MYO3B: variants seen among roughly 807,000 people sequenced by gnomAD.
The protein encoded by MYO3B is myosin IIIB.
A neutral mutation model predicts 174.6 loss-of-function variants in MYO3B; 156 were observed. The ratio of observed to expected loss-of-function variants is 0.89; its 90% CI spans 0.78 to 1.02. The LOEUF is 1.02. Ranked by LOEUF, MYO3B falls within the 50% of genes least tolerant of loss-of-function variation. The pLI is 0.00. For synonymous variants in MYO3B, 563 were observed against 569.1 expected (o/e 0.99, Z 0.15); for missense variants, 1,632 against 1,639.4 (o/e 1.00, Z 0.08).
intron 7 of MYO3B, among the ~76,000 whole-genome samples, chr2:170,286,091 A>T (rs552724836): frequency 6.6e-6 from 1 of 152,188 alleles, no homozygotes; most frequent in East Asian, 1.9e-4. Context: ...CACAATTTGA[A>T]TTATTGTGCT....
intron 7 of MYO3B, among the ~76,000 whole-genome samples, chr2:170,317,808 T>C (rs2093786553): frequency 6.6e-6 from 1 of 152,182 alleles, no homozygotes; most frequent in South Asian, 2.1e-4. Context: ...TGAGAAACAT[T>C]GTGGAAAACA....
At chr2:170,645,139 G>A (rs753854274) in intron 32 of MYO3B, among the ~76,000 whole-genome samples, 18 of 152,136 alleles carry the variant, frequency 1.2e-4, no homozygotes, top group Non-Finnish European at 2.5e-4. Flanking sequence ...TTGAGAATAT[G>A]AGCATTATGG....
intron 8 of MYO3B, among the ~76,000 whole-genome samples, chr2:170,365,984 G>T (rs534825132): frequency 1.3e-5 from 2 of 152,244 alleles, no homozygotes; most frequent in African/African-American, 4.8e-5. Context: ...GAGGCTCTTT[G>T]TTTTGCGTTA....
rs1697669952 is a variant in MYO3B at position 170,638,096 on chromosome 2, C to T, written c.3734-13532C>T. ...TTCCACTCAATCTCTCTCTCCCTCT[C>T]TCTCTCTCTCTCTCACACACACACA... On this transcript the variant is annotated intron_variant, in intron 32 of 34. Transcript: ENST00000408978. Among the ~76,000 whole-genome samples the T allele has an allele frequency of 3.2e-5, 3 of 94,878 alleles. No individual in the cohort carries two copies. In the South Asian group the frequency reaches 1.0e-3, roughly 32 times the overall value. 62.2% of individuals were successfully genotyped at this position (94,878 alleles called of 152,430 possible).
At position 170,408,047 on chromosome 2, in the gene MYO3B, C is replaced by T. The variant is rs373678384; in HGVS notation, c.2650+203C>T. Among the ~76,000 whole-genome samples the T allele has an allele frequency of 9.2e-5, 14 of 152,342 alleles. No individual in the cohort carries two copies. In the South Asian group the frequency reaches 2.3e-3, roughly 25 times the overall value. On this transcript the variant is annotated intron_variant, in intron 22 of 34. Transcript: ENST00000408978. ...TGCAGCATCCGTGTGTACACAGACA[C>T]GTGTAGCTGCACACATAAACATACA...
At chr2:170,441,830 C>T (rs116020262) in intron 22 of MYO3B, among the ~76,000 whole-genome samples, 2,567 of 152,288 alleles carry the variant, frequency 0.017, 31 homozygotes, top group South Asian at 0.03. Flanking sequence ...ATCTTGGTTT[C>T]GGTGAGATTT....
intron 7 of MYO3B, among the ~76,000 whole-genome samples, chr2:170,327,444 C>G (rs1002967945): frequency 5.0e-5 from 6 of 121,172 alleles, no homozygotes; most frequent in African/African-American, 1.6e-4. Context: ...TGCTTTTCTC[C>G]TTACTACCTT....
chr2:170,453,470 AAGAG>A (rs1248852399), intron 23 of MYO3B, among the ~76,000 whole-genome samples: 2 of 136,764 alleles, frequency 1.5e-5, no homozygotes, highest in Non-Finnish European at 3.2e-5. Flanking sequence ...GAGAGAGAGA[AAGAG>A]AGAGCGACCA....
At chr2:170,491,247 T>C (rs1241325411) in intron 25 of MYO3B, among the ~76,000 whole-genome samples, 1 of 152,162 alleles carries the variant, frequency 6.6e-6, no homozygotes, top group African/African-American at 2.4e-5. Flanking sequence ...TTTTCATTTT[T>C]ATTTAATTTA....
chr2:170,433,729 T>C (rs1208230485), intron 22 of MYO3B, among the ~76,000 whole-genome samples: 1 of 152,274 alleles, frequency 6.6e-6, no homozygotes, highest in Non-Finnish European at 1.5e-5. Flanking sequence ...GATTTCATCC[T>C]GTATCTGTAA....
chr2:170,191,956 G>A (rs182456924), intron 1 of MYO3B, among the ~76,000 whole-genome samples: 55 of 152,210 alleles, frequency 3.6e-4, no homozygotes, highest in South Asian at 1.7e-3. Flanking sequence ...TTTTAATTTA[G>A]TATTTTTATA....
intron 25 of MYO3B, among the ~76,000 whole-genome samples, chr2:170,468,086 C>T (rs1057477882): frequency 1.3e-5 from 2 of 152,148 alleles, no homozygotes; most frequent in African/African-American, 2.4e-5. Flanking sequence ...CAAGTATGAA[C>T]AGGAGTTTCA....
rs901977072 is a variant in MYO3B, at chr2:170,428,388, T to C, written c.2651-15579T>C. On this transcript the variant is annotated intron_variant, in intron 22 of 34. Transcript: ENST00000408978. ...ATTGTCTTTATTTTGTTCTTTCTTATTTCCCCCACTTCAGGGGTCTTTTAG... is the reference window on the plus strand; with the variant it reads ...ATTGTCTTTATTTTGTTCTTTCTTACTTCCCCCACTTCAGGGGTCTTTTAG... 2.0e-5 allele frequency among the ~76,000 whole-genome samples: 3 copies of C among 152,362 alleles called. No individual in the cohort carries two copies. In the South Asian group the frequency reaches 6.2e-4, roughly 32 times the overall value.
At chr2:170,588,296 G>T (rs960521512) in intron 32 of MYO3B, among the ~76,000 whole-genome samples, 1 of 152,028 alleles carries the variant, frequency 6.6e-6, no homozygotes, top group South Asian at 2.1e-4. Context: ...AAAATTAGCC[G>T]GGTGTAGTGG....
At chr2:170,582,002 A>T (rs1217835007) in intron 32 of MYO3B, among the ~76,000 whole-genome samples, 2 of 152,256 alleles carry the variant, frequency 1.3e-5, no homozygotes, top group East Asian at 3.8e-4. Context: ...GATATACACC[A>T]AGATTGGACA....
chr2:170,417,852 A>G (rs2094590927), intron 22 of MYO3B, among the ~76,000 whole-genome samples: 1 of 152,246 alleles, frequency 6.6e-6, no homozygotes. Flanking sequence ...ATATCCAAAT[A>G]AGGTCACATT....
chr2:170,423,585 CTT>C (rs34209442), intron 22 of MYO3B, among the ~76,000 whole-genome samples: 7 of 124,294 alleles, frequency 5.6e-5, no homozygotes, highest in Non-Finnish European at 8.1e-5. Context: ...TCAGCAAAAG[CTT>C]TTTTTTTTTT....
At chr2:170,349,827 A>G (rs1281325440) in intron 8 of MYO3B, 1 of 152,462 alleles carries the variant, frequency 6.6e-6, no homozygotes, top group Non-Finnish European at 1.5e-5. Flanking sequence ...AGAAAGAAAA[A>G]AATTATGCAC....
chr2:170,181,334 T>C (rs1010388336), intron 1 of MYO3B, among the ~76,000 whole-genome samples: 1 of 152,286 alleles, frequency 6.6e-6, no homozygotes, highest in African/African-American at 2.4e-5. Flanking sequence ...TCTAGTAATG[T>C]TTTTATAAAT....
Sources: allele counts gnomAD v4.1 joint callset (sites outside exome capture counted in the v4.1 genomes callset), GRCh38; gene constraint gnomAD v4.1.1; transcripts MANE v1.5; gene names NCBI Gene and HGNC (gene_info 2026-07-23, HGNC 2026-07-21).